Variants in GFRA2 observed in about 807,000 individuals in gnomAD.
GFRA2 encodes the protein GDNF family receptor alpha-2.
In GFRA2, 17 loss-of-function variants were observed where a neutral mutation model predicts 48.3. That is an observed-to-expected ratio of 0.35 (90% confidence interval 0.24 to 0.53). The LOEUF is 0.53. Ranked by LOEUF, GFRA2 falls within the 20% of genes least tolerant of loss-of-function variation. The pLI is 0.93. For missense variants in GFRA2, 660 were observed against 637.3 expected (o/e 1.04, Z -0.38); for synonymous variants, 305 against 257.2 (o/e 1.19, Z -1.78).
intron 2 of GFRA2, among the ~76,000 whole-genome samples, chr8:21,795,378 C>A (rs1387890483): frequency 6.9e-6 from 1 of 144,734 alleles, no homozygotes; most frequent in African/African-American, 2.6e-5. Flanking sequence ...TTTCTTTTTT[C>A]TTTTTCTTTT....
intron 6 of GFRA2, among the ~76,000 whole-genome samples, chr8:21,704,031 G>C (rs1563216443): frequency 6.6e-6 from 1 of 152,244 alleles, no homozygotes; most frequent in Non-Finnish European, 1.5e-5. Context: ...AGGCCTGCAA[G>C]GCCCTGCATG....
chr8:21,811,286 G>A (rs575562643), intron 1 of GFRA2, among the ~76,000 whole-genome samples: 7 of 152,098 alleles, frequency 4.6e-5, no homozygotes, highest in African/African-American at 7.2e-5. Context: ...TCTTTGCATC[G>A]GCCAGAGCTG....
chr8:21,722,609 T>C (rs889235174), intron 4 of GFRA2, among the ~76,000 whole-genome samples: 1 of 151,894 alleles, frequency 6.6e-6, no homozygotes, highest in Non-Finnish European at 1.5e-5. Context: ...TGCAGTGAGC[T>C]CTCCCATGTG....
intron 2 of GFRA2, chr8:21,797,867 GC>G (rs2117109799): frequency 6.6e-6 from 1 of 152,268 alleles, no homozygotes; most frequent in Admixed American, 6.5e-5. Flanking sequence ...GACTGCAGTG[GC>G]CTTTGGGCAG....
At chr8:21,783,045 C>A in intron 1 of GFRA2, 146 bp from the exon 2 acceptor site, 1 of 772,006 alleles carries the variant, frequency 1.3e-6, no homozygotes. Context: ...GACAGCCCTC[C>A]TCATACCCCA....
chr8:21,782,079 G>GGCAGGGCAGCAGCCATA (rs1314548900), intron 2 of GFRA2, among the ~76,000 whole-genome samples: 2 of 152,186 alleles, frequency 1.3e-5, no homozygotes, highest in Non-Finnish European at 2.9e-5. Context: ...TCAGCCCTGG[G>GGCAGGGCAGCAGCCATA]GCAGGGCAGC....
Position 21,690,659 on chromosome 8 carries a change from C to G in GFRA2, c.*2619G>C, listed in dbSNP as rs1801850729. 6.6e-6 allele frequency: 1 copy of G among 152,142 alleles called. No homozygotes were observed. The highest frequency in any genetic ancestry group is 2.4e-5 in the African/African-American group (1 of 41,430). 9.4% of individuals were successfully genotyped at this position (152,142 alleles called of 1,614,324 possible). On this transcript the variant is annotated 3_prime_UTR_variant, in exon 9 of 9. Transcript: ENST00000524240. ...AAGGGCTTACCTCCTATTAGGGATA[C>G]CAGACATGACATATATATCCTCTCT...
intron 4 of GFRA2, among the ~76,000 whole-genome samples, chr8:21,721,546 C>T (rs1803595277): frequency 1.3e-5 from 2 of 152,216 alleles, no homozygotes; most frequent in African/African-American, 4.8e-5. Context: ...CCCGCTGCAC[C>T]TCTCCATGCC....
chr8:21,724,614 G>A (rs59774202), intron 4 of GFRA2, among the ~76,000 whole-genome samples: 63,455 of 151,970 alleles, frequency 0.42, 14,865 homozygotes, highest in East Asian at 0.67. Flanking sequence ...CAGATGGTTG[G>A]TGATCTGCAA....
intron 2 of GFRA2, among the ~76,000 whole-genome samples, chr8:21,800,012 A>G (rs1479818026): frequency 6.6e-6 from 1 of 152,222 alleles, no homozygotes; most frequent in African/African-American, 2.4e-5. Context: ...GCTAGGGGAC[A>G]TCTCCAGCTT....
chr8:21,786,362 G>C (rs967029658), intron 1 of GFRA2, among the ~76,000 whole-genome samples: 27 of 152,374 alleles, frequency 1.8e-4, no homozygotes, highest in African/African-American at 6.5e-4. Flanking sequence ...ACACCTGGGA[G>C]CCCTGCCCAT....
intron 4 of GFRA2, among the ~76,000 whole-genome samples, chr8:21,722,556 G>A (rs180770612): frequency 1.3e-5 from 2 of 152,318 alleles, no homozygotes; most frequent in African/African-American, 4.8e-5. Context: ...ACAGAATACA[G>A]CATCCAGGGA....
At position 21,759,452 on chromosome 8, in the gene GFRA2, G is replaced by C. The variant is rs1312196630; in HGVS notation, c.440-8510C>G. 7.9e-4 allele frequency among the ~76,000 whole-genome samples: 85 copies of C among 107,036 alleles called. 1 individual carries two copies. Among genetic ancestry groups the C allele is most frequent in the African/African-American group, 3.0e-3 (76 of 25,248 alleles). The allele number at this position is 107,036 out of a possible 152,430, so 70.2% of individuals were successfully genotyped here. A position where few individuals can be genotyped will look rare whatever the true frequency, so the allele number is the denominator to read the frequency against. ...AGGGAAAGAGGGAGGGAGAGAGGGA[G>C]AGAGGGAGGGAGGGAGGGAGGGAAA... On this transcript the variant is annotated intron_variant, in intron 3 of 8. Coordinates refer to ENST00000524240, the MANE Select transcript of GFRA2 (RefSeq NM_001495.5).
intron 2 of GFRA2, among the ~76,000 whole-genome samples, chr8:21,797,165 A>G (rs1807691136): frequency 6.6e-6 from 1 of 152,210 alleles, no homozygotes; most frequent in African/African-American, 2.4e-5. Flanking sequence ...TTTTAAGAAC[A>G]AAGACAATTT....
rs1801943762 is a variant in GFRA2, at chr8:21,692,949, T to A, written c.*329A>T. 5.8e-6 allele frequency: 1 copy of A among 172,794 alleles called. No homozygotes were observed. The allele number at this position is 172,794 out of a possible 1,614,324, so 10.7% of individuals were successfully genotyped here. ...CAGAGTCCCTTCCGCTGCAGGCTCT[T>A]GTCCGGTCTCTGCTTCAGAAGGGTC... On this transcript the variant is annotated 3_prime_UTR_variant, in exon 9 of 9. Transcript: ENST00000524240.
chr8:21,725,545 G>A (rs1222888763), intron 4 of GFRA2, among the ~76,000 whole-genome samples: 3 of 152,188 alleles, frequency 2.0e-5, no homozygotes, highest in Non-Finnish European at 4.4e-5. Flanking sequence ...CATTTACTAA[G>A]AGACCAACCA....
intron 6 of GFRA2, 67 bp from the exon 7 acceptor site, chr8:21,703,044 C>T (rs1478069254): frequency 2.0e-6 from 2 of 1,023,176 alleles, no homozygotes; most frequent in Non-Finnish European, 2.8e-6. Context: ...GTCCCTGCTC[C>T]TCACACTCTT....
At chr8:21,732,223 T>C (rs1157247650) in intron 4 of GFRA2, among the ~76,000 whole-genome samples, 3 of 152,258 alleles carry the variant, frequency 2.0e-5, no homozygotes, top group Non-Finnish European at 4.4e-5. Flanking sequence ...CTTGTGTCCC[T>C]TCCAGGGGAC....
intron 3 of GFRA2, among the ~76,000 whole-genome samples, chr8:21,762,778 T>C (rs1168169292): frequency 3.5e-4 from 54 of 152,342 alleles, no homozygotes; most frequent in Non-Finnish European, 1.3e-4. Context: ...CAACCGCTTT[T>C]GAGTGGCCTA....
Sources: allele counts gnomAD v4.1 joint callset (sites outside exome capture counted in the v4.1 genomes callset), GRCh38; gene constraint gnomAD v4.1.1; transcripts MANE v1.5; gene names NCBI Gene and HGNC (gene_info 2026-07-23, HGNC 2026-07-21).